The following SEMA6D variants were observed in gnomAD, a reference collection of about 807,000 sequenced individuals.
SEMA6D encodes semaphorin 6D.
Under a neutral mutation model 106.6 loss-of-function variants are expected in SEMA6D, and 35 were observed. That is an observed-to-expected ratio of 0.33 (90% CI 0.25 to 0.44). The LOEUF (loss-of-function observed/expected upper bound fraction) is 0.44. Among genes scored for constraint, SEMA6D ranks in the 20% least tolerant of loss-of-function variants. SEMA6D has a pLI of 1.00. For missense variants in SEMA6D, 1,185 were observed against 1,345.9 expected, an observed-to-expected ratio of 0.88 and a Z score of 1.87; for synonymous variants, 499 against 487.7, an observed-to-expected ratio of 1.02 and a Z score of -0.31.
At chr15:47,530,780 G>T (rs979122767) in intron 3 of SEMA6D, among the ~76,000 whole-genome samples, 3 of 151,866 alleles carry the variant, frequency 2.0e-5, no homozygotes, top group African/African-American at 7.3e-5. Flanking sequence ...AGACAAATGT[G>T]GGTTGAGTCC....
At chr15:47,664,311 C>G (rs2077983107) in intron 4 of SEMA6D, among the ~76,000 whole-genome samples, 1 of 152,084 alleles carries the variant, frequency 6.6e-6, no homozygotes, top group Non-Finnish European at 1.5e-5. Context: ...TTGGAAGATT[C>G]CTCACCTATA....
chr15:47,403,781 G>T (rs1302136382), intron 1 of SEMA6D, among the ~76,000 whole-genome samples: 1 of 152,126 alleles, frequency 6.6e-6, no homozygotes, highest in African/African-American at 2.4e-5. Context: ...AGCGGCCGGT[G>T]TGGGAGATGG....
intron 3 of SEMA6D, among the ~76,000 whole-genome samples, chr15:47,569,582 G>A (rs1309911245): frequency 6.6e-6 from 1 of 152,074 alleles, no homozygotes; most frequent in Non-Finnish European, 1.5e-5. Context: ...GCATTCTAGG[G>A]CACCCTGTAG....
At chr15:47,643,032 A>G (rs1203687614) in intron 4 of SEMA6D, among the ~76,000 whole-genome samples, 1 of 152,138 alleles carries the variant, frequency 6.6e-6, no homozygotes, top group Admixed American at 6.6e-5. Context: ...GGAATAAGAG[A>G]GAGAGAAATA....
intron 1 of SEMA6D, among the ~76,000 whole-genome samples, chr15:47,302,521 C>T (rs2036062347): frequency 6.6e-6 from 1 of 152,138 alleles, no homozygotes; most frequent in Non-Finnish European, 1.5e-5. Flanking sequence ...AGGGACTTTG[C>T]AGATGTGATT....
chr15:47,563,088 A>C (rs1035019075), intron 3 of SEMA6D, among the ~76,000 whole-genome samples: 1 of 152,186 alleles, frequency 6.6e-6, no homozygotes, highest in African/African-American at 2.4e-5. Context: ...AAAAGACTAC[A>C]TAATGTGTAA....
At chr15:47,610,543 G>A (rs573776149) in intron 4 of SEMA6D, among the ~76,000 whole-genome samples, 2 of 152,290 alleles carry the variant, frequency 1.3e-5, no homozygotes, top group East Asian at 3.9e-4. Flanking sequence ...GTAACAGGCT[G>A]AAGCTCAGGC....
At chr15:47,544,319 T>G (rs757313284) in intron 3 of SEMA6D, among the ~76,000 whole-genome samples, 3 of 152,110 alleles carry the variant, frequency 2.0e-5, no homozygotes, top group Non-Finnish European at 2.9e-5. Context: ...ATGGGAACCT[T>G]TGGGTTAACA....
At chr15:47,644,614 C>T (rs915908678) in intron 4 of SEMA6D, among the ~76,000 whole-genome samples, 1 of 152,218 alleles carries the variant, frequency 6.6e-6, no homozygotes, top group Non-Finnish European at 1.5e-5. Flanking sequence ...AGCTTGCTCT[C>T]TTGCCCTTCT....
intron 1 of SEMA6D, among the ~76,000 whole-genome samples, chr15:47,224,187 A>G (rs2031456556): frequency 6.6e-6 from 1 of 151,614 alleles, no homozygotes; most frequent in Admixed American, 6.6e-5. Flanking sequence ...ATAAAATAAA[A>G]TTAAATTTAA....
chr15:47,628,704 T>A (rs2144436351), intron 4 of SEMA6D, among the ~76,000 whole-genome samples: 1 of 152,228 alleles, frequency 6.6e-6, no homozygotes, highest in Non-Finnish European at 1.5e-5. Flanking sequence ...TAACTTGTCT[T>A]TTCATCCTCT....
intron 1 of SEMA6D, among the ~76,000 whole-genome samples, chr15:47,277,772 C>A (rs940443988): frequency 2.0e-5 from 3 of 151,618 alleles, no homozygotes; most frequent in African/African-American, 7.3e-5. Flanking sequence ...CTCCCCACAC[C>A]CCACAACAGT....
Position 47,210,395 on chromosome 15 carries a change from G to A in SEMA6D, c.-239+25977G>A, listed in dbSNP as rs547194143. Among the ~76,000 whole-genome samples, 14 of 152,098 alleles carry A rather than the reference G, an allele frequency of 9.2e-5. No homozygotes were observed. In the East Asian group the frequency reaches 2.7e-3, roughly 29 times the overall value. On this transcript the variant is annotated intron_variant, in intron 1 of 19. Transcript: ENST00000558014. ...CAAGCTGTGATATTTTTTAGGATAG[G>A]TATACTTGGCCATGTGATATTTCTT...
intron 4 of SEMA6D, among the ~76,000 whole-genome samples, chr15:47,643,338 T>C (rs76732631): frequency 0.023 from 3,515 of 152,314 alleles, 65 homozygotes; most frequent in Non-Finnish European, 0.037. Context: ...ATATATCTTG[T>C]TGCACAGTGT....
rs182802847 is a variant in SEMA6D at position 47,361,311 on chromosome 15, G to A, written c.-238-51082G>A. ...AAATGGACATATCCCCTTGATAAGG[G>A]ATACTACCCATAAGGCCACTGATGG... On this transcript the variant is annotated intron_variant, in intron 1 of 19. Transcript: ENST00000558014. Among the ~76,000 whole-genome samples, 511 of 152,294 alleles carry A rather than the reference G, an allele frequency of 3.4e-3. 3 individuals are homozygous for A. Among genetic ancestry groups the A allele is most frequent in the Non-Finnish European group, 4.1e-3 (279 of 68,024 alleles).
At chr15:47,342,856 A>G (rs2037877643) in intron 1 of SEMA6D, among the ~76,000 whole-genome samples, 1 of 152,080 alleles carries the variant, frequency 6.6e-6, no homozygotes, top group African/African-American at 2.4e-5. Context: ...GATTACAGGC[A>G]CATGCCACCA....
At chr15:47,422,794 C>T (rs781512072) in intron 2 of SEMA6D, among the ~76,000 whole-genome samples, 22 of 152,064 alleles carry the variant, frequency 1.4e-4, no homozygotes, top group African/African-American at 4.8e-4. Context: ...ATATGTTTCA[C>T]GGATGACTGG....
intron 1 of SEMA6D, among the ~76,000 whole-genome samples, chr15:47,278,267 A>G (rs2034934793): frequency 1.3e-5 from 2 of 152,198 alleles, no homozygotes; most frequent in East Asian, 3.9e-4. Flanking sequence ...CATCCTCTCC[A>G]GCACCTGTTG....
chr15:47,378,190 A>C (rs2039514831), intron 1 of SEMA6D, among the ~76,000 whole-genome samples: 1 of 152,096 alleles, frequency 6.6e-6, no homozygotes. Context: ...AATCAAACCC[A>C]CATTCTCAAT....
Sources: gnomAD v4.1 joint callset for allele counts (sites outside exome capture counted in the v4.1 genomes callset) on GRCh38, gnomAD v4.1.1 for gene constraint, MANE v1.5 for transcripts, NCBI Gene and HGNC (gene_info 2026-07-23, HGNC 2026-07-21) for gene names.